The following FRMPD4 variants were observed in gnomAD, a reference collection of about 807,000 sequenced individuals.
FRMPD4 encodes FERM and PDZ domain-containing protein 4.
In FRMPD4, 22 loss-of-function variants were observed where a neutral mutation model predicts 94.1. The observed-to-expected ratio is 0.23, with a 90% CI of 0.17 to 0.33. FRMPD4 has a LOEUF of 0.33. Ranked by LOEUF, FRMPD4 falls within the 10% of genes least tolerant of loss-of-function variation. The pLI is 1.00. For synonymous variants in FRMPD4, 631 were observed against 548.6 expected, an observed-to-expected ratio of 1.15 and a Z score of -2.10; for missense variants, 1,111 against 1,339.9, an observed-to-expected ratio of 0.83 and a Z score of 2.67.
rs537379542 is a variant in FRMPD4, at chrX:11,849,380, A to C, written c.-160-15706A>C. Among the ~76,000 whole-genome samples the C allele has an allele frequency of 2.7e-5, 3 of 112,052 alleles. No homozygotes were observed. In the East Asian group the frequency reaches 8.3e-4, roughly 31 times the overall value. On this transcript the variant is annotated intron_variant, in intron 1 of 18. Coordinates refer to the FRMPD4 transcript ENST00000640291. ...ATCCAGATTTAATCCAAGCCCTATCAAAATCCCAATAGCATTTTTTGAAAA... is the reference window on the plus strand; with the variant it reads ...ATCCAGATTTAATCCAAGCCCTATCCAAATCCCAATAGCATTTTTTGAAAA...
At chrX:12,053,347 A>G (rs868377995) in intron 3 of FRMPD4, among the ~76,000 whole-genome samples, 7 of 95,231 alleles carry the variant, frequency 7.4e-5, no homozygotes, top group Admixed American at 2.5e-4. Flanking sequence ...AGAAAGAAAG[A>G]AAGGAAAGAA....
chrX:12,002,587 G>T, intron 3 of FRMPD4, among the ~76,000 whole-genome samples: 1 of 111,984 alleles, frequency 8.9e-6, no homozygotes. Flanking sequence ...GAGAGCCTTT[G>T]TTTGTGTTCA....
intron 3 of FRMPD4, among the ~76,000 whole-genome samples, chrX:12,044,742 T>C (rs1451962120): frequency 8.9e-6 from 1 of 112,262 alleles, no homozygotes; most frequent in Non-Finnish European, 1.9e-5. Context: ...ACTATTTTAT[T>C]AGATCAATAA....
intron 2 of FRMPD4, among the ~76,000 whole-genome samples, chrX:11,874,000 C>T (rs901548065): frequency 1.8e-5 from 2 of 110,980 alleles, no homozygotes; most frequent in African/African-American, 6.6e-5. Context: ...GAGCCGAGAT[C>T]GCACCACTGC....
intron 1 of FRMPD4, among the ~76,000 whole-genome samples, chrX:12,366,895 G>T (rs2056090573): frequency 9.0e-6 from 1 of 111,497 alleles, no homozygotes; most frequent in Non-Finnish European, 1.9e-5. Context: ...GAGGACCAGG[G>T]TAGAGGGGTA....
At chrX:12,645,347 C>CTTTT (rs138817056) in intron 4 of FRMPD4, among the ~76,000 whole-genome samples, 48 of 55,641 alleles carry the variant, frequency 8.6e-4, no homozygotes, top group Non-Finnish European at 1.2e-3. Flanking sequence ...CACTCTCACT[C>CTTTT]TTTTTTTTTT....
intron 1 of FRMPD4, among the ~76,000 whole-genome samples, chrX:12,374,697 G>A (rs2056210550): frequency 9.0e-6 from 1 of 111,683 alleles, no homozygotes; most frequent in Non-Finnish European, 1.9e-5. Flanking sequence ...CAAGCGCAGG[G>A]TCGGATCCCA....
intron 1 of FRMPD4, among the ~76,000 whole-genome samples, chrX:12,432,729 C>A (rs1005047360): frequency 1.8e-5 from 2 of 112,004 alleles, no homozygotes; most frequent in African/African-American, 6.5e-5. Context: ...TATAATCTTT[C>A]AATCATAATC....
intron 1 of FRMPD4, among the ~76,000 whole-genome samples, chrX:12,322,063 G>T (rs1225066294): frequency 9.0e-6 from 1 of 111,728 alleles, no homozygotes; most frequent in Non-Finnish European, 1.9e-5. Context: ...TGTATATGGG[G>T]TCTGCTAGCA....
At chrX:12,687,769 T>G (rs2060040480) in intron 7 of FRMPD4, among the ~76,000 whole-genome samples, 1 of 112,300 alleles carries the variant, frequency 8.9e-6, no homozygotes, top group Non-Finnish European at 1.9e-5. Context: ...CCAGAAATGA[T>G]GCATGACAAT....
intron 4 of FRMPD4, among the ~76,000 whole-genome samples, chrX:12,656,492 T>G (rs540284147): frequency 3.6e-5 from 4 of 112,405 alleles, no homozygotes; most frequent in African/African-American, 1.3e-4. Flanking sequence ...AAATGAATAG[T>G]GGTTCAGCTA....
chrX:12,424,346 T>C (rs1401275130), intron 1 of FRMPD4, among the ~76,000 whole-genome samples: 2 of 113,021 alleles, frequency 1.8e-5, no homozygotes, highest in Non-Finnish European at 3.7e-5. Flanking sequence ...TCACTTTTTG[T>C]ATATAATATG....
chrX:12,245,008 T>C (rs2053934277), intron 1 of FRMPD4, among the ~76,000 whole-genome samples: 1 of 112,921 alleles, frequency 8.9e-6, no homozygotes, highest in South Asian at 3.6e-4. Context: ...TGCAAGTCCT[T>C]ATGAAAGAAC....
At chrX:12,314,437 C>T (rs5978517) in intron 1 of FRMPD4, among the ~76,000 whole-genome samples, 2,538 of 110,741 alleles carry the variant, frequency 0.023, 79 homozygotes, top group African/African-American at 0.079. Flanking sequence ...AGAGCTGGAA[C>T]TGACTTACAA....
intron 3 of FRMPD4, among the ~76,000 whole-genome samples, chrX:12,057,728 A>G (rs1281848963): frequency 9.0e-6 from 1 of 111,248 alleles, no homozygotes; most frequent in Non-Finnish European, 1.9e-5. Flanking sequence ...ATCACCTTAG[A>G]ATTCTGTCTT....
At chrX:12,343,145 A>G (rs749107805) in intron 1 of FRMPD4, among the ~76,000 whole-genome samples, 1,357 of 112,207 alleles carry the variant, frequency 0.012, 12 homozygotes, top group Non-Finnish European at 0.018. Flanking sequence ...CTGGAGAGAC[A>G]GTCAATTGAC....
At chrX:12,715,568 C>T (rs757613130) in intron 14 of FRMPD4, among the ~76,000 whole-genome samples, 3 of 112,080 alleles carry the variant, frequency 2.7e-5, no homozygotes, top group East Asian at 5.6e-4. Context: ...AAAACTCTGA[C>T]GATCCTTGAC....
At chrX:11,843,978 CTTTTTTTT>C (rs1193068056) in intron 1 of FRMPD4, among the ~76,000 whole-genome samples, 9 of 61,405 alleles carry the variant, frequency 1.5e-4, no homozygotes, top group Non-Finnish European at 2.6e-4. Flanking sequence ...GTTATGAATT[CTTTTTTTT>C]TTTTTTTTTT....
chrX:12,192,938 A>C (rs761636276), intron 1 of FRMPD4, among the ~76,000 whole-genome samples: 21 of 112,211 alleles, frequency 1.9e-4, no homozygotes, highest in African/African-American at 6.1e-4. Context: ...AGTATCACGT[A>C]CTTATCCAAC....
Sources: gnomAD v4.1 joint callset for allele counts (sites outside exome capture counted in the v4.1 genomes callset) on GRCh38, gnomAD v4.1.1 for gene constraint, MANE v1.5 for transcripts, NCBI Gene and HGNC (gene_info 2026-07-23, HGNC 2026-07-21) for gene names.